ARHGEF38: variants seen among roughly 807,000 people sequenced by gnomAD.
ARHGEF38 encodes the protein Rho guanine nucleotide exchange factor 38, also known as Rho guanine nucleotide exchange factor (GEF) 38.
ARHGEF38 carries 79 observed loss-of-function variants against 79.9 expected under a neutral mutation model. That is an observed-to-expected ratio of 0.99 (90% confidence interval 0.82 to 1.19). The LOEUF is 1.19. Among genes scored for constraint, ARHGEF38 ranks in the 50% most tolerant of loss-of-function variants. ARHGEF38 has a pLI of 0.00. For missense variants in ARHGEF38, 962 were observed against 907.2 expected (o/e 1.06, Z -0.78); for synonymous variants, 366 against 328.3 (o/e 1.11, Z -1.24).
At chr4:105,629,909 A>C (rs1174987204) in intron 3 of ARHGEF38, among the ~76,000 whole-genome samples, 1 of 152,178 alleles carries the variant, frequency 6.6e-6, no homozygotes, top group African/African-American at 2.4e-5. Context: ...ACATAGAAGG[A>C]AATATTTTAT....
chr4:105,626,605 A>T (rs1004568128), intron 3 of ARHGEF38, among the ~76,000 whole-genome samples: 2 of 152,008 alleles, frequency 1.3e-5, no homozygotes, highest in African/African-American at 4.8e-5. Context: ...TTAGCCCCTC[A>T]TTGTTTATTT....
intron 1 of ARHGEF38, among the ~76,000 whole-genome samples, chr4:105,578,533 C>A (rs942254971): frequency 1.3e-5 from 2 of 152,024 alleles, no homozygotes; most frequent in Non-Finnish European, 2.9e-5. Flanking sequence ...TGAATTTTCC[C>A]ACTATTATTG....
chr4:105,583,394 T>C (rs954837059), intron 1 of ARHGEF38, among the ~76,000 whole-genome samples: 3 of 152,182 alleles, frequency 2.0e-5, no homozygotes, highest in Non-Finnish European at 2.9e-5. Flanking sequence ...AGCGTCCTCC[T>C]ACCTGGCCAC....
intron 1 of ARHGEF38, among the ~76,000 whole-genome samples, chr4:105,577,390 A>G (rs1726558254): frequency 6.6e-6 from 1 of 150,572 alleles, no homozygotes; most frequent in African/African-American, 2.4e-5. Context: ...TTTTTATTAT[A>G]TCCTTTCCTG....
At chr4:105,561,485 G>T (rs1190629128) in intron 1 of ARHGEF38, 1 of 139,240 alleles carries the variant, frequency 7.2e-6, no homozygotes, top group Admixed American at 7.2e-5. Flanking sequence ...GAATAGAATA[G>T]AATAGAATAG....
At chr4:105,620,009 T>C (rs6833345) in intron 3 of ARHGEF38, among the ~76,000 whole-genome samples, 2 of 151,984 alleles carry the variant, frequency 1.3e-5, no homozygotes, top group Non-Finnish European at 2.9e-5. Flanking sequence ...AGATAAACTA[T>C]GAAGAAAATT....
intron 1 of ARHGEF38, among the ~76,000 whole-genome samples, chr4:105,553,684 T>A (rs1725111796): frequency 6.6e-6 from 1 of 152,240 alleles, no homozygotes; most frequent in African/African-American, 2.4e-5. Context: ...CTGTCCTATC[T>A]ATCCTTTCTT....
chr4:105,562,766 G>GATTT (rs1725699288), intron 1 of ARHGEF38, among the ~76,000 whole-genome samples: 1 of 152,158 alleles, frequency 6.6e-6, no homozygotes, highest in Non-Finnish European at 1.5e-5. Flanking sequence ...ACTGCAAATT[G>GATTT]GGTTTCCGAC....
At chr4:105,561,455 GAATAGAATAGAATAGAATAGAATAGAATA>G (rs1725571917) in intron 1 of ARHGEF38, 42 of 64,164 alleles carry the variant, frequency 6.5e-4, no homozygotes, top group South Asian at 2.0e-3. Flanking sequence ...GAATGGAATA[GAATAGAATAGAATAGAATAGAATAGAATA>G]GAATAGAATA....
At chr4:105,657,908 G>C (rs572178810) in intron 9 of ARHGEF38, among the ~76,000 whole-genome samples, 1 of 152,052 alleles carries the variant, frequency 6.6e-6, no homozygotes, top group African/African-American at 2.4e-5. Context: ...GATAGCTTTC[G>C]GGTTACAAAA....
rs1449295560 is a variant in ARHGEF38 at position 105,667,287 on chromosome 4, T to C, written c.1848T>C (p.Asp616=). ...GDLVAVIEQK[D]PLGSTSRWLV... Reference sequence around the variant, plus strand: ...TGGTGGCTGTGATAGAACAGAAAGATCCACTGGGGAGTACAAGCAGGTGGC... The same window carrying C: ...TGGTGGCTGTGATAGAACAGAAAGACCCACTGGGGAGTACAAGCAGGTGGC... The change falls in exon 12 of 14, where the codon GAT becomes GAC. Residue 616 remains aspartate (D), a synonymous_variant. Coordinates refer to ENST00000420470, the MANE Select transcript of ARHGEF38 (RefSeq NM_001242729.2). 8.5e-6 allele frequency: 13 copies of C among 1,536,156 alleles called. 1 individual carries two copies. The highest frequency in any genetic ancestry group is 1.7e-4 in the Middle Eastern group (1 of 5,992).
At chr4:105,674,382 C>G (rs974915091) in intron 13 of ARHGEF38, among the ~76,000 whole-genome samples, 1 of 152,004 alleles carries the variant, frequency 6.6e-6, no homozygotes, top group Non-Finnish European at 1.5e-5. Context: ...CTCAAATTAA[C>G]AACATTGTAA....
intron 1 of ARHGEF38, chr4:105,563,479 C>T (rs1327038826): frequency 3.3e-5 from 5 of 152,196 alleles, no homozygotes. Context: ...ATGCTCTTAG[C>T]AACTTTGCAA....
At chr4:105,600,930 A>G (rs918681439) in intron 2 of ARHGEF38, among the ~76,000 whole-genome samples, 1 of 152,080 alleles carries the variant, frequency 6.6e-6, no homozygotes, top group Non-Finnish European at 1.5e-5. Flanking sequence ...ACCATGTCTC[A>G]TCTCCTTTCT....
intron 13 of ARHGEF38, among the ~76,000 whole-genome samples, chr4:105,674,811 C>G (rs999299191): frequency 1.3e-5 from 2 of 151,920 alleles, no homozygotes; most frequent in Non-Finnish European, 2.9e-5. Context: ...CCAAACAGAT[C>G]TAGATGGAAG....
intron 1 of ARHGEF38, among the ~76,000 whole-genome samples, chr4:105,581,685 T>C (rs1364535582): frequency 1.3e-5 from 2 of 152,184 alleles, no homozygotes; most frequent in Admixed American, 6.5e-5. Context: ...CATTTTTATA[T>C]TCTCTTGTTT....
chr4:105,666,789 C>T lies in ARHGEF38; in HGVS notation c.1690-340C>T, dbSNP rs189877504. 7.9e-5 allele frequency among the ~76,000 whole-genome samples: 12 copies of T among 152,274 alleles called. No individual in the cohort carries two copies. The East Asian group carries it at 2.3e-3, about 29-fold the overall frequency. On this transcript the variant is annotated intron_variant, in intron 11 of 13. Transcript: ENST00000420470. ...TAAAGACATGTACATGTACAATTTA[C>T]TTAGCTGAATACTTAATATGCAACG...
At chr4:105,570,409 G>A (rs1726161629) in intron 1 of ARHGEF38, among the ~76,000 whole-genome samples, 1 of 152,188 alleles carries the variant, frequency 6.6e-6, no homozygotes, top group Non-Finnish European at 1.5e-5. Flanking sequence ...CTGTTCTCAT[G>A]CTGCTGATAA....
chr4:105,576,721 G>A (rs1275293065), intron 1 of ARHGEF38, among the ~76,000 whole-genome samples: 1 of 152,072 alleles, frequency 6.6e-6, no homozygotes, highest in South Asian at 2.1e-4. Flanking sequence ...AATAGGAATG[G>A]TAAAAGTGGG....
Sources: allele counts gnomAD v4.1 joint callset (sites outside exome capture counted in the v4.1 genomes callset), GRCh38; gene constraint gnomAD v4.1.1; transcripts MANE v1.5; gene names NCBI Gene and HGNC (gene_info 2026-07-23, HGNC 2026-07-21).